PCDH9: variants seen among roughly 807,000 people sequenced by gnomAD.
PCDH9 encodes the protein protocadherin-9.
A neutral mutation model predicts 70.6 loss-of-function variants in PCDH9; 24 were observed. The ratio of observed to expected loss-of-function variants is 0.34; its 90% confidence interval spans 0.25 to 0.48. PCDH9 has a LOEUF of 0.48. Ranked by LOEUF, PCDH9 falls within the 20% of genes least tolerant of loss-of-function variation. The pLI is 0.99. For missense variants in PCDH9, 1,281 were observed against 1,503.6 expected (o/e 0.85, Z 2.45); for synonymous variants, 562 against 558.5 (o/e 1.01, Z -0.09).
chr13:67,044,816 GA>G (rs2085191410), intron 2 of PCDH9, among the ~76,000 whole-genome samples: 1 of 152,110 alleles, frequency 6.6e-6, no homozygotes, highest in African/African-American at 2.4e-5. Flanking sequence ...GCAGGGGAGA[GA>G]AAATGAATGA....
chr13:66,673,981 CA>C, intron 3 of PCDH9, among the ~76,000 whole-genome samples: 1 of 152,182 alleles, frequency 6.6e-6, no homozygotes, highest in East Asian at 1.9e-4. Context: ...ACCACCAACA[CA>C]TTTAGGAAAT....
chr13:66,893,977 C>A (rs2082135831), intron 3 of PCDH9, among the ~76,000 whole-genome samples: 2 of 152,054 alleles, frequency 1.3e-5, no homozygotes, highest in Non-Finnish European at 2.9e-5. Context: ...CCGTTCAATT[C>A]CCTCATAAAA....
intron 4 of PCDH9, among the ~76,000 whole-genome samples, chr13:66,432,622 CTAA>C (rs1307342064): frequency 2.6e-5 from 4 of 151,926 alleles, no homozygotes; most frequent in Non-Finnish European, 5.9e-5. Flanking sequence ...AGAGAAATGA[CTAA>C]TGAGTGTGAT....
intron 2 of PCDH9, among the ~76,000 whole-genome samples, chr13:67,001,622 G>A (rs542443942): frequency 1.3e-5 from 2 of 152,110 alleles, no homozygotes; most frequent in Admixed American, 6.6e-5. Context: ...AGAGAGAGAG[G>A]GCAACATGGG....
chr13:67,154,258 G>T (rs375407892), intron 2 of PCDH9, among the ~76,000 whole-genome samples: 1 of 151,844 alleles, frequency 6.6e-6, no homozygotes. Flanking sequence ...TTTGACAAAA[G>T]ATATGTAATA....
chr13:66,583,674 A>C (rs1413147158), intron 4 of PCDH9, among the ~76,000 whole-genome samples: 1 of 152,100 alleles, frequency 6.6e-6, no homozygotes, highest in Admixed American at 6.6e-5. Context: ...CTATTTAATC[A>C]TGTTCTCTGT....
chr13:66,706,146 A>C (rs999822729), intron 3 of PCDH9, among the ~76,000 whole-genome samples: 4 of 152,228 alleles, frequency 2.6e-5, no homozygotes, highest in Non-Finnish European at 5.9e-5. Context: ...TACCCTTACA[A>C]AGAAATAATT....
chr13:67,147,495 C>T (rs11620164), intron 2 of PCDH9, among the ~76,000 whole-genome samples: 1 of 152,156 alleles, frequency 6.6e-6, no homozygotes. Context: ...TTCAGGCAGC[C>T]TGCAGTGTCC....
intron 4 of PCDH9, among the ~76,000 whole-genome samples, chr13:66,595,006 A>C (rs1173609373): frequency 6.8e-6 from 1 of 146,954 alleles, no homozygotes; most frequent in Non-Finnish European, 1.5e-5. Context: ...AAAAAAAAAA[A>C]CTTAAAATCC....
intron 4 of PCDH9, among the ~76,000 whole-genome samples, chr13:66,601,148 A>G (rs969814651): frequency 1.4e-5 from 2 of 145,774 alleles, no homozygotes; most frequent in Admixed American, 6.9e-5. Flanking sequence ...AGAGGATCCT[A>G]TTCTTTAGAC....
chr13:66,506,525 T>C (rs1959217275), intron 4 of PCDH9, among the ~76,000 whole-genome samples: 1 of 152,158 alleles, frequency 6.6e-6, no homozygotes, highest in Admixed American at 6.5e-5. Context: ...ATAGAAAAGA[T>C]TAGATAGTTA....
At chr13:66,716,584 A>G (rs1307367058) in intron 3 of PCDH9, among the ~76,000 whole-genome samples, 2 of 152,180 alleles carry the variant, frequency 1.3e-5, no homozygotes, top group African/African-American at 4.8e-5. Flanking sequence ...ATCTCACATT[A>G]TAGGCAGTTT....
intron 3 of PCDH9, among the ~76,000 whole-genome samples, chr13:66,727,857 T>C (rs1022800617): frequency 1.2e-4 from 19 of 152,130 alleles, no homozygotes; most frequent in Non-Finnish European, 1.5e-5. Context: ...AATTAAATGA[T>C]GTTAAGGCAT....
At chr13:67,102,981 T>C (rs1264643481) in intron 2 of PCDH9, among the ~76,000 whole-genome samples, 1 of 152,056 alleles carries the variant, frequency 6.6e-6, no homozygotes, top group Non-Finnish European at 1.5e-5. Flanking sequence ...CATTAAAATA[T>C]ACAGAAAAAA....
intron 2 of PCDH9, among the ~76,000 whole-genome samples, chr13:67,158,632 C>A (rs1314855027): frequency 1.3e-5 from 2 of 152,194 alleles, no homozygotes; most frequent in African/African-American, 4.8e-5. Context: ...GACACCAGAT[C>A]TGCCAGCATC....
intron 2 of PCDH9, among the ~76,000 whole-genome samples, chr13:67,179,418 T>C (rs371941829): frequency 6.6e-6 from 1 of 152,090 alleles, no homozygotes; most frequent in Non-Finnish European, 1.5e-5. Context: ...GATTGATCCA[T>C]AGCAATGTAT....
chr13:66,917,994 T>C lies in PCDH9; in HGVS notation c.3037-14389A>G, dbSNP rs1348779028. ...AATTGGGGGTGACTGACCAGTGTCATGAACTGTGTATGGTTATGTTCGAGG... is the reference window on the plus strand; with the variant it reads ...AATTGGGGGTGACTGACCAGTGTCACGAACTGTGTATGGTTATGTTCGAGG... On this transcript the variant is annotated intron_variant, in intron 2 of 4. Transcript: ENST00000377865. Among the ~76,000 whole-genome samples the C allele has an allele frequency of 4.0e-5, 6 of 151,296 alleles. No individual in the cohort carries two copies. The East Asian group carries it at 1.2e-3, about 29-fold the overall frequency.
At chr13:66,693,532 T>G (rs2078517351) in intron 3 of PCDH9, among the ~76,000 whole-genome samples, 1 of 152,166 alleles carries the variant, frequency 6.6e-6, no homozygotes, top group Non-Finnish European at 1.5e-5. Flanking sequence ...ACATTATTTT[T>G]AAAAATTAAA....
At chr13:66,892,094 T>C (rs1465034596) in intron 3 of PCDH9, among the ~76,000 whole-genome samples, 2 of 151,460 alleles carry the variant, frequency 1.3e-5, no homozygotes, top group Admixed American at 1.3e-4. Flanking sequence ...TATTACCCTA[T>C]GAATCTAACT....
Sources: gnomAD v4.1 joint callset for allele counts (sites outside exome capture counted in the v4.1 genomes callset) on GRCh38, gnomAD v4.1.1 for gene constraint, MANE v1.5 for transcripts, NCBI Gene and HGNC (gene_info 2026-07-23, HGNC 2026-07-21) for gene names.